ZBTB8A: variants seen among roughly 807,000 people sequenced by gnomAD.
ZBTB8A encodes zinc finger and BTB domain containing 8A, also known as zinc finger and BTB domain-containing protein 8A.
A neutral mutation model predicts 37.8 loss-of-function variants in ZBTB8A; 19 were observed. The observed-to-expected ratio is 0.50, with a 90% confidence interval of 0.35 to 0.74. The LOEUF (loss-of-function observed/expected upper bound fraction) is 0.74, where lower values mean the gene tolerates loss of function less well. Ranked by LOEUF, ZBTB8A falls within the 30% of genes least tolerant of loss-of-function variation. The pLI is 0.01. For synonymous variants in ZBTB8A, 181 were observed against 185.2 expected (o/e 0.98, Z 0.19); for missense variants, 394 against 537.8 (o/e 0.73, Z 2.65).
At chr1:32,569,250 A>C (rs1644306910) in intron 2 of ZBTB8A, among the ~76,000 whole-genome samples, 1 of 151,944 alleles carries the variant, frequency 6.6e-6, no homozygotes, top group South Asian at 2.1e-4. Flanking sequence ...TTCTATTATG[A>C]AGTGTCTGTT....
intron 1 of ZBTB8A, among the ~76,000 whole-genome samples, chr1:32,549,071 G>A (rs1644129786): frequency 6.6e-6 from 1 of 152,054 alleles, no homozygotes. Flanking sequence ...CGCACCTGTA[G>A]TCCTAGCTAC....
chr1:32,561,938 T>G (rs1644246547), intron 2 of ZBTB8A, among the ~76,000 whole-genome samples: 1 of 151,888 alleles, frequency 6.6e-6, no homozygotes, highest in South Asian at 2.1e-4. Flanking sequence ...AGGTGGTACA[T>G]ACTTTTTTAT....
intron 2 of ZBTB8A, among the ~76,000 whole-genome samples, chr1:32,578,900 G>A (rs969603055): frequency 4.6e-5 from 7 of 151,914 alleles, no homozygotes; most frequent in African/African-American, 1.7e-4. Flanking sequence ...TTTATGGAAT[G>A]GTGGACACTA....
At position 32,571,829 on chromosome 1, in the gene ZBTB8A, G is replaced by A. The variant is rs111737306; in HGVS notation, c.-2+18289G>A. On this transcript the variant is annotated intron_variant, in intron 2 of 4. Coordinates refer to ENST00000373510, the MANE Select transcript of ZBTB8A (RefSeq NM_001040441.3). ...TGACTTCAGGTGATCCACCCGCCTC[G>A]GCCTCCCAAAGTGCTGGAATTACAG... is the stretch of plus-strand genomic sequence containing the variant. Among the ~76,000 whole-genome samples, 768 of 151,778 alleles carry A rather than the reference G, an allele frequency of 5.1e-3. 9 individuals are homozygous for A. The highest frequency in any genetic ancestry group is 0.044 in the East Asian group (224 of 5,132).
intron 2 of ZBTB8A, among the ~76,000 whole-genome samples, chr1:32,582,279 T>C (rs1359315962): frequency 6.6e-6 from 1 of 152,154 alleles, no homozygotes; most frequent in Non-Finnish European, 1.5e-5. Flanking sequence ...TGAACCTAAG[T>C]ATAATGGAAA....
intron 4 of ZBTB8A, among the ~76,000 whole-genome samples, chr1:32,597,193 C>T (rs1424925776): frequency 6.6e-6 from 1 of 152,026 alleles, no homozygotes; most frequent in Non-Finnish European, 1.5e-5. Flanking sequence ...TGGGGTTTCA[C>T]CATGTTGGCC....
At chr1:32,567,620 C>T (rs903088868) in intron 2 of ZBTB8A, among the ~76,000 whole-genome samples, 7 of 149,278 alleles carry the variant, frequency 4.7e-5, no homozygotes, top group South Asian at 2.1e-4. Flanking sequence ...CGGTGAAACC[C>T]GGTCTCTACT....
chr1:32,542,269 T>C (rs1009842788), intron 1 of ZBTB8A, among the ~76,000 whole-genome samples: 1 of 131,496 alleles, frequency 7.6e-6, no homozygotes, highest in African/African-American at 2.8e-5. Flanking sequence ...GAGTTGATCT[T>C]CCCAGCCGAG....
chr1:32,589,257 T>G (rs544412050), intron 2 of ZBTB8A, among the ~76,000 whole-genome samples: 3 of 151,910 alleles, frequency 2.0e-5, no homozygotes, highest in South Asian at 4.2e-4. Context: ...GCACATGTGT[T>G]TGTTTGTTTT....
chr1:32,541,000 G>T (rs1644048402), intron 1 of ZBTB8A, among the ~76,000 whole-genome samples: 1 of 152,230 alleles, frequency 6.6e-6, no homozygotes, highest in East Asian at 1.9e-4. Flanking sequence ...CTTCGCTGTT[G>T]ATAATGATTT....
chr1:32,546,101 A>G (rs955815198), intron 1 of ZBTB8A, among the ~76,000 whole-genome samples: 1 of 152,200 alleles, frequency 6.6e-6, no homozygotes, highest in Admixed American at 6.6e-5. Context: ...TATGTCTTGA[A>G]TAAAATGCGT....
chr1:32,594,420 GT>G (rs986448194), intron 3 of ZBTB8A, among the ~76,000 whole-genome samples: 31 of 146,864 alleles, frequency 2.1e-4, no homozygotes, highest in East Asian at 7.9e-4. Flanking sequence ...ACTTTAAATA[GT>G]TTTTTTTTTT....
intron 1 of ZBTB8A, among the ~76,000 whole-genome samples, chr1:32,548,160 AAAG>A (rs1644121842): frequency 2.0e-5 from 3 of 151,286 alleles, no homozygotes; most frequent in Non-Finnish European, 4.4e-5. Context: ...AAAAAAAAAA[AAAG>A]AATAATCCTT....
At chr1:32,539,994 C>G (rs968414184) in intron 1 of ZBTB8A, among the ~76,000 whole-genome samples, 2 of 151,226 alleles carry the variant, frequency 1.3e-5, no homozygotes, top group African/African-American at 4.9e-5. Context: ...GGGCCGGGGC[C>G]GGAGTCTCTG....
chr1:32,583,705 C>T (rs1018532612), intron 2 of ZBTB8A, among the ~76,000 whole-genome samples: 6 of 152,012 alleles, frequency 3.9e-5, no homozygotes, highest in African/African-American at 1.4e-4. Context: ...CACTGGTGTC[C>T]TTATGAGAAG....
intron 2 of ZBTB8A, among the ~76,000 whole-genome samples, chr1:32,571,483 G>T (rs1416487696): frequency 2.6e-5 from 4 of 152,018 alleles, no homozygotes; most frequent in Admixed American, 6.6e-5. Flanking sequence ...TAATGTAGTG[G>T]ATTGTACTGA....
At chr1:32,578,480 T>C (rs759708436) in intron 2 of ZBTB8A, among the ~76,000 whole-genome samples, 7 of 152,266 alleles carry the variant, frequency 4.6e-5, no homozygotes, top group Admixed American at 6.5e-5. Context: ...CCCAAAGTGC[T>C]GAGATTACAG....
At chr1:32,554,187 A>G (rs1644180560) in intron 2 of ZBTB8A, among the ~76,000 whole-genome samples, 1 of 148,564 alleles carries the variant, frequency 6.7e-6, no homozygotes, top group African/African-American at 2.5e-5. Context: ...GCAACAGAGC[A>G]AGACTGTCTC....
chr1:32,590,735 G>A (rs1644481972), intron 2 of ZBTB8A, among the ~76,000 whole-genome samples: 1 of 152,024 alleles, frequency 6.6e-6, no homozygotes, highest in South Asian at 2.1e-4. Context: ...GCTCACCTTT[G>A]AGGTCTCAGT....
Sources: gnomAD v4.1 joint callset for allele counts (sites outside exome capture counted in the v4.1 genomes callset) on GRCh38, gnomAD v4.1.1 for gene constraint, MANE v1.5 for transcripts, NCBI Gene and HGNC (gene_info 2026-07-23, HGNC 2026-07-21) for gene names.